GPR143: variants seen among roughly 807,000 people sequenced by gnomAD.
GPR143 encodes the protein G-protein coupled receptor 143.
In GPR143, 8 loss-of-function variants were observed where a neutral mutation model predicts 27.6. That is an observed-to-expected ratio of 0.29 (90% CI 0.17 to 0.52). The LOEUF is 0.52. Among genes scored for constraint, GPR143 ranks in the 20% least tolerant of loss-of-function variants. GPR143 has a pLI of 0.96. For missense variants in GPR143, 303 were observed against 343.1 expected, an observed-to-expected ratio of 0.88 and a Z score of 0.92; for synonymous variants, 156 against 153.2, an observed-to-expected ratio of 1.02 and a Z score of -0.13.
chrX:9,774,434 G>A (rs998758128), intron 1 of GPR143, among the ~76,000 whole-genome samples: 1 of 112,204 alleles, frequency 8.9e-6, no homozygotes, highest in Non-Finnish European at 1.9e-5. Flanking sequence ...GGGGCGAGGG[G>A]GCTGCAGTGT....
rs1156528797 is a variant in GPR143 at position 9,725,810 on chromosome X, G to C, written c.1151C>G (p.Thr384Ser). 7 of 1,206,886 alleles carry C rather than the reference G, an allele frequency of 5.8e-6. No homozygotes were observed. Among genetic ancestry groups the C allele is most frequent in the Non-Finnish European group, 7.8e-6 (7 of 893,523 alleles). The change falls in exon 9 of 9, where the codon ACT (threonine) becomes AGT (serine). Residue 384 changes from threonine to serine, a missense_variant. Physicochemically the swap from Thr to Ser is moderately conservative, Grantham distance 58. Coordinates refer to ENST00000467482, the MANE Select transcript of GPR143 (RefSeq NM_000273.3). ...GSDASTIEIH[T>S]ASESCNKNEG... ...ATTTTTGTTGCAGGATTCACTTGCA[G>C]TGTGAATTTCAATTGTGCTGGCATC...
chrX:9,772,844 A>G (rs1287304405), intron 1 of GPR143, among the ~76,000 whole-genome samples: 1 of 104,202 alleles, frequency 9.6e-6, no homozygotes, highest in East Asian at 3.0e-4. Context: ...AAAGACATTG[A>G]TAACAGTCTG....
intron 8 of GPR143, among the ~76,000 whole-genome samples, chrX:9,727,968 T>C: frequency 8.9e-6 from 1 of 112,856 alleles, no homozygotes; most frequent in Middle Eastern, 4.6e-3. Context: ...TCATGGCTCC[T>C]ACAGTTCATT....
At chrX:9,775,625 G>T (rs2083568738) in intron 1 of GPR143, among the ~76,000 whole-genome samples, 1 of 111,858 alleles carries the variant, frequency 8.9e-6, no homozygotes, top group South Asian at 3.7e-4. Flanking sequence ...GATGCCATGA[G>T]TACTGCCACA....
At chrX:9,776,543 G>A (rs1454152026) in intron 1 of GPR143, among the ~76,000 whole-genome samples, 2 of 83,906 alleles carry the variant, frequency 2.4e-5, no homozygotes, top group Non-Finnish European at 4.5e-5. Flanking sequence ...ATGAAACCAT[G>A]CCTAGCTTTT....
chrX:9,725,867 C>T, intron 8 of GPR143, 27 bp from the exon 9 acceptor site: 4 of 1,192,355 alleles, frequency 3.4e-6, no homozygotes, highest in Non-Finnish European at 4.5e-6. Context: ...AAAAGACTGA[C>T]TGTGTCTGTG....
intron 8 of GPR143, among the ~76,000 whole-genome samples, chrX:9,737,365 C>T (rs993744703): frequency 4.5e-5 from 5 of 111,662 alleles, no homozygotes; most frequent in Non-Finnish European, 7.5e-5. Context: ...ATCCATACAA[C>T]GAAATATTAT....
chrX:9,761,034 G>GGAAGAAGGA (rs2083497220), intron 1 of GPR143, among the ~76,000 whole-genome samples: 1 of 111,264 alleles, frequency 9.0e-6, no homozygotes, highest in Non-Finnish European at 1.9e-5. Context: ...ATATTTGTGT[G>GGAAGAAGGA]TGCAGAGAGA....
chrX:9,727,163 A>G (rs758729291), intron 8 of GPR143, among the ~76,000 whole-genome samples: 15 of 113,134 alleles, frequency 1.3e-4, no homozygotes, highest in African/African-American at 4.5e-4. Context: ...CCCTTTCTCA[A>G]TTGATTCTTT....
chrX:9,759,033 A>G (rs1293131511), intron 3 of GPR143, among the ~76,000 whole-genome samples: 2 of 111,531 alleles, frequency 1.8e-5, no homozygotes, highest in African/African-American at 6.5e-5. Context: ...TATTTTGGAG[A>G]TGGACTCTCA....
chrX:9,760,281 G>A (rs770079916), intron 2 of GPR143, among the ~76,000 whole-genome samples: 34 of 111,202 alleles, frequency 3.1e-4, no homozygotes, highest in African/African-American at 1.1e-3. Flanking sequence ...TAGTAGAGAC[G>A]GGGTTTCACC....
In GPR143 at chrX:9,760,821, C is replaced by G. The variant is rs771774135; in HGVS notation, c.256G>C (p.Val86Leu). ...ACDLLGCLGM[V>L]IRSTVWLGFP... ...CCTAACCACACGGTGGACCGGATCA[C>G]CATACCTAAGAGAGAATTGGATAAT... The change falls in exon 2 of 9, where the codon GTG (valine) becomes CTG (leucine). Residue 86 changes from valine (V) to leucine (L), a missense_variant. Physicochemically the swap from Val to Leu is conservative, Grantham distance 32. Transcript: ENST00000467482. 9.3e-7 allele frequency: 1 copy of G among 1,075,514 alleles called. No individual in the cohort carries two copies. The allele number at this position is 1,075,514 out of a possible 1,213,427, so 88.6% of individuals were successfully genotyped here.
intron 3 of GPR143, among the ~76,000 whole-genome samples, chrX:9,751,160 C>T (rs1168254271): frequency 8.9e-6 from 1 of 112,945 alleles, no homozygotes; most frequent in East Asian, 2.8e-4. Flanking sequence ...CCTTCCTGTG[C>T]CACTACGCTA....
upstream of GPR143, among the ~76,000 whole-genome samples, chrX:9,768,731 G>A (rs1462745856): frequency 9.1e-6 from 1 of 109,305 alleles, no homozygotes; most frequent in Non-Finnish European, 1.9e-5. Context: ...AGGCTGGAGT[G>A]CAGTGGCGTG....
chrX:9,773,142 G>C (rs2083560097), intron 1 of GPR143, among the ~76,000 whole-genome samples: 1 of 111,774 alleles, frequency 8.9e-6, no homozygotes, highest in South Asian at 3.7e-4. Flanking sequence ...TGATGTGCAA[G>C]AAAGCATGCA....
rs1214932870 is a variant in GPR143 at position 9,748,650 on chromosome X, G to A, written c.472C>T (p.His158Tyr). ...GTGGCCAGGCCCCACGCCATGATGT[G>A]ATACAGCAGGATGGTGCTAGGGGAC... ...SAGLSTILLY[H>Y]IMAWGLATLL... is the part of the protein sequence containing the mutation. The change falls in exon 4 of 9, where the codon CAC (histidine) becomes TAC (tyrosine). Residue 158 changes from histidine to tyrosine, a missense_variant. Transcript: ENST00000467482. 2 of 1,199,520 alleles carry A rather than the reference G, an allele frequency of 1.7e-6. No homozygotes were observed. Among genetic ancestry groups the A allele is most frequent in the South Asian group, 3.5e-5 (2 of 56,401 alleles).
intron 3 of GPR143, among the ~76,000 whole-genome samples, chrX:9,757,249 C>T (rs1401619954): frequency 9.0e-6 from 1 of 111,680 alleles, no homozygotes; most frequent in African/African-American, 3.3e-5. Flanking sequence ...CTTGCTGTGT[C>T]CCCACATGGT....
chrX:9,736,894 A>G (rs1481241665), intron 8 of GPR143, among the ~76,000 whole-genome samples: 1 of 112,117 alleles, frequency 8.9e-6, no homozygotes, highest in Non-Finnish European at 1.9e-5. Context: ...ATTTTCTCCA[A>G]TAGACTGTGA....
At chrX:9,727,680 G>A (rs377341746) in intron 8 of GPR143, among the ~76,000 whole-genome samples, 16 of 112,777 alleles carry the variant, frequency 1.4e-4, no homozygotes, top group East Asian at 1.1e-3. Flanking sequence ...TGCTCCAGCC[G>A]CAACACAGGT....
Sources: allele counts gnomAD v4.1 joint callset (sites outside exome capture counted in the v4.1 genomes callset), GRCh38; gene constraint gnomAD v4.1.1; transcripts MANE v1.5; gene names NCBI Gene and HGNC (gene_info 2026-07-23, HGNC 2026-07-21).